The following CSMD1 variants were observed in gnomAD, a reference collection of about 807,000 sequenced individuals.
CSMD1 encodes CUB and Sushi multiple domains 1.
In CSMD1, 213 loss-of-function variants were observed where a neutral mutation model predicts 417.5. That is an observed-to-expected ratio of 0.51 (90% CI 0.46 to 0.57). The LOEUF (loss-of-function observed/expected upper bound fraction) is 0.57. Ranked by LOEUF, CSMD1 falls within the 20% of genes least tolerant of loss-of-function variation. The probability of loss-of-function intolerance (pLI) is 0.00; values close to 1 mark genes in which losing one functional copy is unlikely to be tolerated. For missense variants in CSMD1, 6,923 were observed against 4,529.7 expected (o/e 1.53, Z -15.17); for synonymous variants, 2,862 against 1,736.8 (o/e 1.65, Z -16.11).
rs554970670 is a variant in CSMD1 at position 4,358,993 on chromosome 8, G to A, written c.415+60960C>T. ...ACACACACACACACACATTTAAGTT[G>A]ACATATATAGGCATATAATATATAC... On this transcript the variant is annotated intron_variant, in intron 3 of 69. Transcript: ENST00000635120. 4.7e-4 allele frequency among the ~76,000 whole-genome samples: 72 copies of A among 151,850 alleles called. No homozygotes were observed. In the Middle Eastern group the frequency reaches 0.017, roughly 36 times the overall value.
intron 1 of CSMD1, among the ~76,000 whole-genome samples, chr8:4,810,711 G>C (rs1373659180): frequency 6.6e-6 from 1 of 152,092 alleles, no homozygotes; most frequent in Non-Finnish European, 1.5e-5. Context: ...CCGTCATCTG[G>C]AAATTTTCAT....
intron 29 of CSMD1, among the ~76,000 whole-genome samples, chr8:3,217,538 G>A (rs1045973231): frequency 2.0e-5 from 3 of 152,060 alleles, no homozygotes; most frequent in Non-Finnish European, 2.9e-5. Flanking sequence ...ATTTTGTTGG[G>A]GGCGTGGGGG....
chr8:4,186,305 G>A (rs1002589207), intron 3 of CSMD1, among the ~76,000 whole-genome samples: 1 of 152,036 alleles, frequency 6.6e-6, no homozygotes. Flanking sequence ...CAAGGTTGGG[G>A]GCAGTCAGCT....
chr8:3,117,908 T>G (rs373637446), intron 42 of CSMD1, among the ~76,000 whole-genome samples: 1 of 152,234 alleles, frequency 6.6e-6, no homozygotes. Flanking sequence ...AGCAAAATGC[T>G]ATGTACCTTT....
At chr8:4,828,375 G>A (rs1346135784) in intron 1 of CSMD1, among the ~76,000 whole-genome samples, 3 of 152,144 alleles carry the variant, frequency 2.0e-5, no homozygotes, top group South Asian at 4.1e-4. Flanking sequence ...GAATATGGAA[G>A]ACCACAATGA....
chr8:3,878,286 T>C (rs1805965369), intron 5 of CSMD1, among the ~76,000 whole-genome samples: 1 of 152,194 alleles, frequency 6.6e-6, no homozygotes, highest in Non-Finnish European at 1.5e-5. Context: ...CTAAAATAAA[T>C]CAATCTCTTC....
chr8:4,663,273 A>T (rs1407864008), intron 1 of CSMD1, among the ~76,000 whole-genome samples: 2 of 152,212 alleles, frequency 1.3e-5, no homozygotes, highest in Non-Finnish European at 2.9e-5. Flanking sequence ...ACGATAACAC[A>T]AAGTTAGGGA....
chr8:3,859,953 G>C (rs920997910), intron 5 of CSMD1, among the ~76,000 whole-genome samples: 1 of 152,142 alleles, frequency 6.6e-6, no homozygotes, highest in Non-Finnish European at 1.5e-5. Flanking sequence ...TGAATTCCAT[G>C]AGTCCCAGTG....
intron 7 of CSMD1, among the ~76,000 whole-genome samples, chr8:3,642,061 G>A (rs1458942380): frequency 3.3e-5 from 5 of 151,982 alleles, no homozygotes; most frequent in South Asian, 2.1e-4. Flanking sequence ...CTTCTACTTC[G>A]ATGGATACAC....
chr8:4,326,503 G>A (rs547134713), intron 3 of CSMD1, among the ~76,000 whole-genome samples: 1 of 152,176 alleles, frequency 6.6e-6, no homozygotes, highest in Non-Finnish European at 1.5e-5. Flanking sequence ...AGGAAAAAAG[G>A]TCCATAAACG....
rs764794946 is a variant in CSMD1 at position 3,181,156 on chromosome 8, C to A, written c.5679G>T (p.Gln1893His). The A allele has an allele frequency of 6.2e-6, 10 of 1,613,774 alleles. No individual in the cohort carries two copies. The East Asian group carries it at 2.0e-4, about 32-fold the overall frequency. The change falls in exon 37 of 70, where the codon CAG (glutamine) becomes CAT (histidine). Residue 1893 changes from glutamine to histidine, a missense_variant. Physicochemically the swap from Gln to His is conservative, Grantham distance 24 (BLOSUM62 0). Transcript: ENST00000635120. ...CAGCAGCTGCCACACTAATGTCAGA[C>A]TGGAAATGCAGGTAGAGTTGGTTGG... ...STSNQLYLHF[Q>H]SDISVAAAGF...
chr8:2,992,959 C>T (rs1290161624), intron 54 of CSMD1, among the ~76,000 whole-genome samples: 1 of 151,578 alleles, frequency 6.6e-6, no homozygotes, highest in Non-Finnish European at 1.5e-5. Flanking sequence ...TCTCAAACTC[C>T]TGGACTCAAG....
chr8:3,781,872 AT>A (rs796867695), intron 5 of CSMD1, among the ~76,000 whole-genome samples: 10 of 151,852 alleles, frequency 6.6e-5, no homozygotes, highest in East Asian at 3.9e-4. Context: ...TTTTCCCGCT[AT>A]TTTTTTTCAC....
rs78772178 is a variant in CSMD1 at position 4,231,285 on chromosome 8, T to C, written c.415+188668A>G. On this transcript the variant is annotated intron_variant, in intron 3 of 69. Transcript: ENST00000635120. ...CATCTGTTACCAGAGGCAGTGATGCTAAGAAAAGCGTGTGAGGCTCAGAGT... is the reference window on the plus strand; with the variant it reads ...CATCTGTTACCAGAGGCAGTGATGCCAAGAAAAGCGTGTGAGGCTCAGAGT... Among the ~76,000 whole-genome samples the C allele has an allele frequency of 3.2e-4, 49 of 152,302 alleles. No homozygotes were observed. In the East Asian group the frequency reaches 9.3e-3, roughly 29 times the overall value.
chr8:4,733,700 T>A (rs951282424), intron 1 of CSMD1, among the ~76,000 whole-genome samples: 1 of 152,218 alleles, frequency 6.6e-6, no homozygotes, highest in African/African-American at 2.4e-5. Context: ...TCCTTTCTCC[T>A]ATCTATGACT....
At chr8:3,622,129 G>C (rs1053690390) in intron 7 of CSMD1, among the ~76,000 whole-genome samples, 19 of 152,220 alleles carry the variant, frequency 1.2e-4, no homozygotes, top group Admixed American at 7.2e-4. Context: ...TGAGTAAGCA[G>C]TGGTCTACTA....
intron 10 of CSMD1, among the ~76,000 whole-genome samples, chr8:3,506,470 A>G (rs1796833017): frequency 6.6e-6 from 1 of 152,208 alleles, no homozygotes; most frequent in South Asian, 2.1e-4. Context: ...ATGGCCAGAA[A>G]GGGGGAATAA....
chr8:4,972,663 C>T (rs1314808481), intron 1 of CSMD1, among the ~76,000 whole-genome samples: 2 of 151,546 alleles, frequency 1.3e-5, no homozygotes, highest in Admixed American at 1.3e-4. Flanking sequence ...TATTCAAAGA[C>T]AAATCGTTGA....
intron 1 of CSMD1, among the ~76,000 whole-genome samples, chr8:4,687,971 T>C (rs551382290): frequency 1.3e-5 from 2 of 152,224 alleles, no homozygotes; most frequent in Non-Finnish European, 2.9e-5. Context: ...ATCTGTAGCA[T>C]CTTTCACTGC....
Sources: allele counts gnomAD v4.1 joint callset (sites outside exome capture counted in the v4.1 genomes callset), GRCh38; gene constraint gnomAD v4.1.1; transcripts MANE v1.5; gene names NCBI Gene and HGNC (gene_info 2026-07-23, HGNC 2026-07-21).